Variants in DGKH observed in about 807,000 individuals in gnomAD.
DGKH encodes the protein DAG kinase eta.
A neutral mutation model predicts 159.3 loss-of-function variants in DGKH; 90 were observed. The ratio of observed to expected loss-of-function variants is 0.57; its 90% confidence interval spans 0.48 to 0.67. DGKH has a LOEUF of 0.67. Among genes scored for constraint, DGKH ranks in the 30% least tolerant of loss-of-function variants. The pLI is 0.00. For missense variants in DGKH, 1,181 were observed against 1,506.1 expected (o/e 0.78, Z 3.57); for synonymous variants, 536 against 553.8 (o/e 0.97, Z 0.45).
chr13:42,227,272 T>C (rs899614525), intron 29 of DGKH, among the ~76,000 whole-genome samples: 5 of 152,002 alleles, frequency 3.3e-5, no homozygotes, highest in Non-Finnish European at 7.4e-5. Flanking sequence ...ATTAAATTAA[T>C]TTAAAAAAAA....
In DGKH at chr13:42,166,569, A is replaced by G. The variant is rs149911208; in HGVS notation, c.1013A>G (p.Asn338Ser). 9.0e-5 allele frequency: 144 copies of G among 1,606,160 alleles called. 3 individuals are homozygous for G. The East Asian group carries it at 2.9e-3, about 33-fold the overall frequency. Reference protein sequence around the residue: ...FCVSPLLVFVNSKSGDNQGVK... With the variant: ...FCVSPLLVFVSSKSGDNQGVK... ...GTTAGTCCTCTATTGGTTTTTGTCA[A>G]TTCTAAGAGTGGAGATAATCAGGGA... The change falls in exon 9 of 30, where the codon AAT (asparagine) becomes AGT (serine). Residue 338 changes from asparagine (N) to serine (S), a missense_variant. By Grantham distance (46) the Asn-to-Ser change is conservative (BLOSUM62 1). Around this residue, in one of 5 missense-constraint regions of DGKH, gnomAD observed 369 missense variants for 519.4 expected, o/e 0.71. Transcript: ENST00000337343.
rs186347314 is a variant in DGKH at position 42,183,281 on chromosome 13, C to T, written c.1539-3768C>T. ...TCCAATCTGGATGACAGAGTGAGAT[C>T]CCGTCTTAAAAAAAAAAAACACTTA... On this transcript the variant is annotated intron_variant, in intron 13 of 29. Transcript: ENST00000337343. Among the ~76,000 whole-genome samples the T allele has an allele frequency of 9.2e-4, 131 of 142,848 alleles. 2 individuals carry two copies. The highest frequency in any genetic ancestry group is 3.1e-3 in the African/African-American group (126 of 40,548). 93.7% of individuals were successfully genotyped at this position (142,848 alleles called of 152,430 possible). A position where few individuals can be genotyped will look rare whatever the true frequency, so the allele number is the denominator to read the frequency against.
At chr13:42,255,429 T>C (rs1293490968) in intron 30 of DGKH, among the ~76,000 whole-genome samples, 1 of 152,120 alleles carries the variant, frequency 6.6e-6, no homozygotes, top group Admixed American at 6.6e-5. Flanking sequence ...AGAAGGCAAA[T>C]GAAACAATGA....
At chr13:42,067,027 A>G (rs1176195116) in intron 1 of DGKH, among the ~76,000 whole-genome samples, 2 of 152,118 alleles carry the variant, frequency 1.3e-5, no homozygotes, top group African/African-American at 2.4e-5. Context: ...ATATATGTAT[A>G]TACACATATT....
intron 29 of DGKH, among the ~76,000 whole-genome samples, chr13:42,225,772 C>CA (rs66933711): frequency 0.56 from 67,465 of 119,932 alleles, 17,229 homozygotes; most frequent in East Asian, 0.72. Context: ...GACTCTGTCT[C>CA]AAAAAAAAAA....
At chr13:42,196,992 G>A (rs1957216275) in intron 17 of DGKH, among the ~76,000 whole-genome samples, 1 of 152,020 alleles carries the variant, frequency 6.6e-6, no homozygotes, top group African/African-American at 2.4e-5. Flanking sequence ...GGTGGCTCAC[G>A]CCTGTAATCC....
chr13:42,141,561 T>C (rs1955559843), intron 3 of DGKH, among the ~76,000 whole-genome samples: 1 of 152,168 alleles, frequency 6.6e-6, no homozygotes, highest in Non-Finnish European at 1.5e-5. Context: ...CTCCAGCACC[T>C]GTTGTTTCCT....
At chr13:42,048,371 C>T (rs1207628367), upstream of DGKH, among the ~76,000 whole-genome samples, 1 of 151,988 alleles carries the variant, frequency 6.6e-6, no homozygotes, top group Non-Finnish European at 1.5e-5. The surrounding 1 kb of genome is among the most constrained non-coding windows in gnomAD (Gnocchi z 6.7). Context: ...GGGTGGGCTG[C>T]AGAGGTTTCC....
intron 14 of DGKH, among the ~76,000 whole-genome samples, chr13:42,188,162 C>T (rs1014662360): frequency 2.6e-5 from 4 of 152,162 alleles, no homozygotes; most frequent in African/African-American, 9.7e-5. Flanking sequence ...CCTTTCTGGC[C>T]ATACTTCTGT....
At chr13:42,247,617 T>C (rs1423714884), downstream of DGKH, among the ~76,000 whole-genome samples, 1 of 152,226 alleles carries the variant, frequency 6.6e-6, no homozygotes, top group African/African-American at 2.4e-5. Context: ...GGCAGTTCCT[T>C]CAGGAGGCAT....
downstream of DGKH, among the ~76,000 whole-genome samples, chr13:42,244,010 C>G (rs1032169828): frequency 2.6e-5 from 4 of 152,090 alleles, no homozygotes; most frequent in Non-Finnish European, 4.4e-5. Context: ...CAGAAATACT[C>G]AGGTGTAAAT....
intron 15 of DGKH, among the ~76,000 whole-genome samples, chr13:42,190,022 GC>G (rs1460467545): frequency 6.6e-6 from 1 of 152,104 alleles, no homozygotes; most frequent in Admixed American, 6.5e-5. Context: ...TTTATTAAGA[GC>G]TTATAAAAGC....
intron 1 of DGKH, among the ~76,000 whole-genome samples, chr13:42,094,546 AAG>A (rs1381062552): frequency 1.3e-5 from 2 of 152,166 alleles, no homozygotes; most frequent in African/African-American, 4.8e-5. Context: ...ATGTTTCACA[AAG>A]AGTTTACATT....
chr13:42,065,757 A>G (rs1302780342), intron 1 of DGKH, among the ~76,000 whole-genome samples: 1 of 152,168 alleles, frequency 6.6e-6, no homozygotes, highest in Non-Finnish European at 1.5e-5. Flanking sequence ...GGAGTAAGTA[A>G]GGGAAATAGC....
chr13:42,075,737 C>A (rs1954083013), intron 1 of DGKH, among the ~76,000 whole-genome samples: 1 of 152,160 alleles, frequency 6.6e-6, no homozygotes, highest in African/African-American at 2.4e-5. Flanking sequence ...GTTACCATGG[C>A]AAGCACTGGC....
At chr13:42,209,640 G>C (rs1241936263) in intron 23 of DGKH, among the ~76,000 whole-genome samples, 175 bp downstream of exon 23, 2 of 152,090 alleles carry the variant, frequency 1.3e-5, no homozygotes, top group Non-Finnish European at 2.9e-5. Context: ...TTATTTTTTA[G>C]AGCCATTTTA....
At chr13:42,256,249 G>C (rs1054875840) in intron 30 of DGKH, 91 of 1,576,190 alleles carry the variant, frequency 5.8e-5, no homozygotes, top group Non-Finnish European at 7.8e-5. Flanking sequence ...TTAAAAATGT[G>C]TTACACTCAG....
At chr13:42,211,939 T>C (rs945293144) in intron 24 of DGKH, among the ~76,000 whole-genome samples, 6 of 152,162 alleles carry the variant, frequency 3.9e-5, no homozygotes, top group African/African-American at 1.4e-4. Context: ...CCCACTGGTC[T>C]CTCTCATGAT....
At chr13:42,106,769 C>T (rs560759772) in intron 1 of DGKH, among the ~76,000 whole-genome samples, 8 of 152,206 alleles carry the variant, frequency 5.3e-5, no homozygotes, top group Non-Finnish European at 1.0e-4. Flanking sequence ...AGAGGCTGGG[C>T]GCGGTGGCTC....
Sources: allele counts gnomAD v4.1 joint callset (sites outside exome capture counted in the v4.1 genomes callset), GRCh38; gene constraint gnomAD v4.1.1; regional missense constraint gnomAD v4.1.1; non-coding constraint Gnocchi (gnomAD v3.1); transcripts MANE v1.5; gene names NCBI Gene and HGNC (gene_info 2026-07-23, HGNC 2026-07-21).